The following SLFN11 variants were observed in gnomAD, a reference collection of about 807,000 sequenced individuals.
SLFN11 encodes the protein schlafen family member 11.
Under a neutral mutation model 53.4 loss-of-function variants are expected in SLFN11, and 43 were observed. The ratio of observed to expected loss-of-function variants is 0.80; its 90% CI spans 0.63 to 1.04. The LOEUF (loss-of-function observed/expected upper bound fraction) is 1.04. Among genes scored for constraint, SLFN11 ranks in the 50% least tolerant of loss-of-function variants. The probability of loss-of-function intolerance (pLI) is 0.00; values close to 1 mark genes in which losing one functional copy is unlikely to be tolerated. For missense variants in SLFN11, 990 were observed against 1,079.1 expected, an observed-to-expected ratio of 0.92 and a Z score of 1.16; for synonymous variants, 389 against 394.7, an observed-to-expected ratio of 0.99 and a Z score of 0.17.
chr17:35,352,496 G>T lies in SLFN11; in HGVS notation c.2566C>A (p.Arg856=), dbSNP rs150159511. 2 of 1,614,088 alleles carry T rather than the reference G, an allele frequency of 1.2e-6. No individual in the cohort carries two copies. Among genetic ancestry groups the T allele is most frequent in the South Asian group, 2.2e-5 (2 of 91,074 alleles). ...GDHIVLDSVR[R]FSGLERSIVF... is the part of the protein sequence containing the mutation. ...ATGCTCCTTTCCAGGCCTGAGAATCGCCGAACACTGTCCAACACAATGTGA... is the reference window on the plus strand; with the variant it reads ...ATGCTCCTTTCCAGGCCTGAGAATCTCCGAACACTGTCCAACACAATGTGA... The change falls in exon 7 of 7, where the codon CGA becomes AGA. Residue 856 remains arginine, a synonymous_variant. Coordinates refer to ENST00000685675, the MANE Select transcript of SLFN11 (RefSeq NM_001376007.1).
rs1908419167 is a variant in SLFN11, at chr17:35,362,920, T to C, written c.888A>G (p.Thr296=). 1 of 1,613,752 alleles carries C rather than the reference T, an allele frequency of 6.2e-7. No homozygotes were observed. Among genetic ancestry groups the C allele is most frequent in the Admixed American group, 1.7e-5 (1 of 59,980 alleles). ...FCQPQRPITF[T]LKIVNVLKRG... ...TTTTTAACACATTCACAATTTTGAG[T>C]GTGAAGGTTATCGGGCGTTGGGGTT... is the stretch of plus-strand genomic sequence containing the variant. Residue 296 remains threonine, a synonymous_variant, in exon 4 of 7, where the codon ACA becomes ACG. Coordinates refer to ENST00000685675, the MANE Select transcript of SLFN11 (RefSeq NM_001376007.1).
rs1567812725 is a variant in SLFN11 at position 35,351,397 on chromosome 17, T to TTCAG, written c.*955_*958dup. 6.6e-6 allele frequency: 1 copy of TTCAG among 152,034 alleles called. No individual in the cohort carries two copies. Among genetic ancestry groups the TTCAG allele is most frequent in the Non-Finnish European group, 1.5e-5 (1 of 68,030 alleles). The allele number at this position is 152,034 out of a possible 1,614,324, so 9.4% of individuals were successfully genotyped here. A position where few individuals can be genotyped will look rare whatever the true frequency, so the allele number is the denominator to read the frequency against. On this transcript the variant is annotated 3_prime_UTR_variant, in exon 7 of 7. Transcript: ENST00000685675. ...GGGGGTGAAGGGTGGGACACAAACATTCAGTCCATAACAATGGCCCACCAA... is the reference window on the plus strand; with the variant it reads ...GGGGGTGAAGGGTGGGACACAAACATTCAGTCAGTCCATAACAATGGCCCACCAA...
chr17:35,353,599 G>GGACT lies in SLFN11; in HGVS notation c.1655_1658dup (p.Leu554ValfsTer15), dbSNP rs1402834639. On this transcript the variant is annotated frameshift_variant, in exon 6 of 7. Transcript: ENST00000685675. LOFTEE classifies it high-confidence loss of function. ...TGAAGCCGAGTAAGACAATCACGAGGGACTGCAGCAGGGCTTCCATGTGCT... is the reference window on the plus strand; with the variant it reads ...TGAAGCCGAGTAAGACAATCACGAGGGACTGACTGCAGCAGGGCTTCCATGTGCT... 3 of 1,174,174 alleles carry GGACT rather than the reference G, an allele frequency of 2.6e-6. No homozygotes were observed. In the African/African-American group the frequency reaches 5.3e-5, roughly 21 times the overall value. The allele number at this position is 1,174,174 out of a possible 1,614,324, so 72.7% of individuals were successfully genotyped here. A position where few individuals can be genotyped will look rare whatever the true frequency, so the allele number is the denominator to read the frequency against.
intron 2 of SLFN11, 31 bp downstream of exon 2, chr17:35,367,572 C>T (rs764461756): frequency 1.3e-5 from 2 of 152,150 alleles, no homozygotes; most frequent in Non-Finnish European, 2.9e-5. Flanking sequence ...GCACCTGATT[C>T]TAGTCAGTTT....
At position 35,353,627 on chromosome 17, in the gene SLFN11, G is replaced by A; in HGVS notation, c.1631C>T (p.Thr544Ile). The change falls in exon 6 of 7, where the codon ACC (threonine) becomes ATC (isoleucine). Residue 544 changes from threonine to isoleucine, a missense_variant. Physicochemically the swap from Thr to Ile is moderately conservative, Grantham distance 89. This residue lies in a region of SLFN11 where 156 missense variants were observed against 241.9 expected (regional missense o/e 0.64). Coordinates refer to ENST00000685675, the MANE Select transcript of SLFN11 (RefSeq NM_001376007.1). The stretch of plus-strand genomic sequence containing the variant: ...CTGCAGCAGGGCTTCCATGTGCTGG[G>A]TGCCTGCAAGGCTATAGGACGCAGG... ...DYPASYSLAG[T>I]QHMEALLQSL... is the part of the protein sequence containing the mutation. 4.5e-6 allele frequency: 5 copies of A among 1,123,490 alleles called. No homozygotes were observed. The highest frequency in any genetic ancestry group is 6.1e-6 in the Non-Finnish European group (5 of 822,002). The allele number at this position is 1,123,490 out of a possible 1,614,324, so 69.6% of individuals were successfully genotyped here.
chr17:35,372,867 T>C, intron 1 of SLFN11, among the ~76,000 whole-genome samples: 1 of 152,102 alleles, frequency 6.6e-6, no homozygotes, highest in Non-Finnish European at 1.5e-5. Flanking sequence ...CTTAGAGCTC[T>C]TTGTCCTTCT....
chr17:35,369,140 C>A (rs543590226), intron 1 of SLFN11, among the ~76,000 whole-genome samples: 1 of 152,086 alleles, frequency 6.6e-6, no homozygotes, highest in East Asian at 1.9e-4. Flanking sequence ...TTGTCTTGCA[C>A]CGTAGGTACC....
chr17:35,369,374 C>G (rs550320723), intron 1 of SLFN11, among the ~76,000 whole-genome samples: 32 of 152,126 alleles, frequency 2.1e-4, no homozygotes, highest in South Asian at 4.1e-4. Flanking sequence ...ATCTCCTCTG[C>G]CTGTGGAAAA....
Position 35,353,359 on chromosome 17 carries a change from G to C in SLFN11, c.1899C>G (p.Asn633Lys). Residue 633 changes from asparagine (N) to lysine (K), a missense_variant, in exon 6 of 7, where the codon AAC becomes AAG. This residue lies in a region of SLFN11 where 156 missense variants were observed against 241.9 expected (regional missense o/e 0.64). Transcript: ENST00000685675. ...EAHRILYVCE[N>K]QPLRNFISDR... ...ACCTGATAAAGTTCCTCAGAGGCTG[G>C]TTTTCACAAACGTAGAGAATTCTGT... is the stretch of plus-strand genomic sequence containing the variant. The C allele has an allele frequency of 6.2e-7, 1 of 1,612,852 alleles. No individual in the cohort carries two copies. Among genetic ancestry groups the C allele is most frequent in the Non-Finnish European group, 8.5e-7 (1 of 1,179,560 alleles).
At chr17:35,370,830 A>C (rs1366336338) in intron 1 of SLFN11, among the ~76,000 whole-genome samples, 2 of 152,134 alleles carry the variant, frequency 1.3e-5, no homozygotes, top group Non-Finnish European at 2.9e-5. Context: ...CAAAATATGG[A>C]AAGGGGAAAT....
At chr17:35,358,050 A>G (rs1159345904) in intron 5 of SLFN11, among the ~76,000 whole-genome samples, 1 of 150,224 alleles carries the variant, frequency 6.7e-6, no homozygotes, top group Non-Finnish European at 1.5e-5. Context: ...GATATATAAA[A>G]TAACTTCAGA....
chr17:35,361,813 C>T (rs777020978), intron 4 of SLFN11, among the ~76,000 whole-genome samples: 6 of 151,774 alleles, frequency 4.0e-5, no homozygotes, highest in South Asian at 2.1e-4. Context: ...GGTGCAATCT[C>T]GGCTCACTGC....
At chr17:35,359,166 T>A (rs1303335833) in intron 5 of SLFN11, among the ~76,000 whole-genome samples, 1 of 152,176 alleles carries the variant, frequency 6.6e-6, no homozygotes, top group Non-Finnish European at 1.5e-5. Context: ...TGTTCCTCTA[T>A]GGGCATATAG....
chr17:35,360,841 G>T (rs1908114819), intron 4 of SLFN11, among the ~76,000 whole-genome samples: 1 of 152,092 alleles, frequency 6.6e-6, no homozygotes, highest in Non-Finnish European at 1.5e-5. Flanking sequence ...ACAGTAGCTT[G>T]TGCCTGTAGC....
In SLFN11 at chr17:35,353,652, G is replaced by A; in HGVS notation, c.1606C>T (p.Pro536Ser). 8.7e-7 allele frequency: 1 copy of A among 1,155,516 alleles called. No individual in the cohort carries two copies. Among genetic ancestry groups the A allele is most frequent in the Non-Finnish European group, 1.2e-6 (1 of 849,542 alleles). 71.6% of individuals were successfully genotyped at this position (1,155,516 alleles called of 1,614,324 possible). A position where few individuals can be genotyped will look rare whatever the true frequency, so the allele number is the denominator to read the frequency against. The stretch of plus-strand genomic sequence containing the variant: ...GTGCCTGCAAGGCTATAGGACGCAG[G>A]GTAATCCATCGGAGACACTGCAGCC... ...LEAAVSPMDYPASYSLAGTQH... is the reference protein window; with the variant it reads ...LEAAVSPMDYSASYSLAGTQH... Residue 536 changes from proline (P) to serine (S), a missense_variant, in exon 6 of 7, where the codon CCT (proline) becomes TCT (serine). Transcript: ENST00000685675.
At chr17:35,360,145 G>T in intron 5 of SLFN11, 98 bp downstream of exon 5, 1 of 1,294,132 alleles carries the variant, frequency 7.7e-7, no homozygotes, top group South Asian at 1.3e-5. Context: ...TGGGTTTGCA[G>T]AGCACTTTCA....
At chr17:35,369,362 T>C (rs1325371682) in intron 1 of SLFN11, among the ~76,000 whole-genome samples, 3 of 152,030 alleles carry the variant, frequency 2.0e-5, no homozygotes, top group Non-Finnish European at 4.4e-5. Flanking sequence ...GGCCACAGGG[T>C]CATCTCCTCT....
chr17:35,357,754 AATATAAATATATAAT>A (rs1000950871), intron 5 of SLFN11, among the ~76,000 whole-genome samples: 2 of 145,602 alleles, frequency 1.4e-5, no homozygotes, highest in Non-Finnish European at 3.0e-5. Flanking sequence ...ATATATAAAT[AATATAAATATATAAT>A]ATATAAATAT....
intron 5 of SLFN11, among the ~76,000 whole-genome samples, chr17:35,355,154 G>A (rs1390891459): frequency 6.6e-6 from 1 of 152,042 alleles, no homozygotes; most frequent in Admixed American, 6.6e-5. Context: ...TGTTACCAGG[G>A]AATTTGCATG....
Sources: gnomAD v4.1 joint callset for allele counts (sites outside exome capture counted in the v4.1 genomes callset) on GRCh38, gnomAD v4.1.1 for gene constraint, gnomAD v4.1.1 regional missense constraint, MANE v1.5 for transcripts, NCBI Gene and HGNC (gene_info 2026-07-23, HGNC 2026-07-21) for gene names.